IREB2: variants seen among roughly 807,000 people sequenced by gnomAD.
IREB2 encodes the protein iron-responsive element-binding protein 2.
Under a neutral mutation model 118.8 loss-of-function variants are expected in IREB2, and 39 were observed. The ratio of observed to expected loss-of-function variants is 0.33; its 90% CI spans 0.25 to 0.43. The LOEUF is 0.43. Among genes scored for constraint, IREB2 ranks in the 20% least tolerant of loss-of-function variants. The pLI is 1.00. For synonymous variants in IREB2, 372 were observed against 392.2 expected, an observed-to-expected ratio of 0.95 and a Z score of 0.61; for missense variants, 900 against 1,147.3, an observed-to-expected ratio of 0.78 and a Z score of 3.11.
At chr15:78,474,840 G>C (rs1246497364) in intron 8 of IREB2, 1 of 151,360 alleles carries the variant, frequency 6.6e-6, no homozygotes, top group Non-Finnish European at 1.5e-5. Context: ...TGGATCATGA[G>C]GTCAGGAGAT....
chr15:78,447,841 G>A (rs192787207), intron 2 of IREB2, among the ~76,000 whole-genome samples: 5 of 152,164 alleles, frequency 3.3e-5, no homozygotes, highest in Non-Finnish European at 7.3e-5. Flanking sequence ...ATCACAGAAC[G>A]AGGCTGAGGC....
chr15:78,489,350 T>G (rs948165351), intron 16 of IREB2, among the ~76,000 whole-genome samples: 1 of 152,040 alleles, frequency 6.6e-6, no homozygotes, highest in Non-Finnish European at 1.5e-5. Flanking sequence ...ATCCCGCATA[T>G]GTACCCCAGA....
At chr15:78,487,930 T>C in intron 14 of IREB2, 113 bp downstream of exon 14, 1 of 702,226 alleles carries the variant, frequency 1.4e-6, no homozygotes, top group Non-Finnish European at 2.4e-6. Context: ...TCTGCACCTC[T>C]TGGCAATAGT....
upstream of IREB2, chr15:78,438,147 G>A (rs2050780995): frequency 5.3e-6 from 3 of 568,914 alleles, no homozygotes; most frequent in East Asian, 5.9e-5. Context: ...ACGATCTCGC[G>A]GGAGTTAGGC....
chr15:78,445,613 C>T (rs1416051515), intron 2 of IREB2, among the ~76,000 whole-genome samples: 1 of 152,148 alleles, frequency 6.6e-6, no homozygotes, highest in Non-Finnish European at 1.5e-5. Flanking sequence ...GCCTGGTTTC[C>T]TTATTTTCTG....
intron 2 of IREB2, 126 bp downstream of exon 2, chr15:78,440,007 C>T (rs2050820526): frequency 1.7e-6 from 1 of 597,666 alleles, no homozygotes; most frequent in Non-Finnish European, 2.9e-6. Context: ...CTACACATAC[C>T]TATACCATTT....
intron 5 of IREB2, among the ~76,000 whole-genome samples, chr15:78,467,174 A>C (rs1212092727): frequency 2.1e-5 from 3 of 144,204 alleles, no homozygotes; most frequent in East Asian, 4.1e-4. Flanking sequence ...ATGCCACTGC[A>C]CTCCAGCCTG....
intron 2 of IREB2, among the ~76,000 whole-genome samples, chr15:78,461,480 TA>T (rs545433873): frequency 3.3e-5 from 5 of 151,894 alleles, no homozygotes; most frequent in Admixed American, 1.3e-4. Flanking sequence ...CAGGCCTTCC[TA>T]AAAAAAAGGA....
chr15:78,469,124 ATAGT>A (rs1168368300), intron 5 of IREB2, among the ~76,000 whole-genome samples: 4 of 152,192 alleles, frequency 2.6e-5, no homozygotes, highest in Non-Finnish European at 5.9e-5. Context: ...CTATGTGATA[ATAGT>A]TACTCATTTG....
chr15:78,438,803 C>T (rs745952708), intron 1 of IREB2: 23 of 185,124 alleles, frequency 1.2e-4, no homozygotes, highest in East Asian at 8.9e-4. Context: ...TAAGGCCCCT[C>T]AGTCTCTCTG....
intron 14 of IREB2, 140 bp downstream of exon 14, chr15:78,487,957 A>C (rs1041176972): frequency 7.5e-6 from 5 of 664,554 alleles, no homozygotes; most frequent in Non-Finnish European, 1.3e-5. Flanking sequence ...TGAATCTTTA[A>C]ATGATTCAAT....
chr15:78,460,133 A>G (rs1242576910), intron 2 of IREB2, among the ~76,000 whole-genome samples: 1 of 152,224 alleles, frequency 6.6e-6, no homozygotes, highest in Non-Finnish European at 1.5e-5. Flanking sequence ...ACCAGCTTGT[A>G]AGCGCGCCAT....
chr15:78,477,498 A>G (rs1243048090), intron 9 of IREB2, among the ~76,000 whole-genome samples: 1 of 152,242 alleles, frequency 6.6e-6, no homozygotes, highest in Non-Finnish European at 1.5e-5. Context: ...TTCTCCGTGT[A>G]GTCTGGGCTT....
intron 2 of IREB2, among the ~76,000 whole-genome samples, chr15:78,450,457 G>C (rs925706575): frequency 1.3e-5 from 2 of 152,232 alleles, no homozygotes; most frequent in Non-Finnish European, 2.9e-5. Context: ...GAAGTATATT[G>C]GTTTTGGCCA....
intron 2 of IREB2, among the ~76,000 whole-genome samples, chr15:78,448,524 T>C (rs1030641490): frequency 1.3e-5 from 2 of 152,228 alleles, no homozygotes; most frequent in African/African-American, 2.4e-5. Context: ...TCTTGTTCTG[T>C]GGAGGTCAGA....
At chr15:78,438,571 G>T (rs934964006) in intron 1 of IREB2, 1 of 577,850 alleles carries the variant, frequency 1.7e-6, no homozygotes, top group Non-Finnish European at 3.1e-6. Context: ...CGCGACACCC[G>T]CAGGGCGGGC....
chr15:78,497,358 T>G (rs778638772), intron 21 of IREB2, 47 bp downstream of exon 21: 1 of 1,280,150 alleles, frequency 7.8e-7, no homozygotes, highest in South Asian at 1.2e-5. Flanking sequence ...CAAATGTTTA[T>G]GAATTATTGA....
intron 16 of IREB2, among the ~76,000 whole-genome samples, chr15:78,489,487 T>C (rs1321199936): frequency 6.6e-6 from 1 of 152,108 alleles, no homozygotes; most frequent in East Asian, 1.9e-4. Flanking sequence ...TTAGCTAAAT[T>C]ATGCAATATT....
chr15:78,444,118 CATG>C (rs2050889570), intron 2 of IREB2, among the ~76,000 whole-genome samples: 1 of 151,120 alleles, frequency 6.6e-6, no homozygotes, highest in Non-Finnish European at 1.5e-5. Context: ...AGTGCTCTGA[CATG>C]ATGATAGCTC....
Sources: gnomAD v4.1 joint callset for allele counts (sites outside exome capture counted in the v4.1 genomes callset) on GRCh38, gnomAD v4.1.1 for gene constraint, MANE v1.5 for transcripts, NCBI Gene and HGNC (gene_info 2026-07-23, HGNC 2026-07-21) for gene names.